The following TRPM1 variants were observed in gnomAD, a reference collection of about 807,000 sequenced individuals.
TRPM1 encodes the protein transient receptor potential cation channel subfamily M member 1.
A neutral mutation model predicts 149.4 loss-of-function variants in TRPM1; 113 were observed. That is an observed-to-expected ratio of 0.76 (90% CI 0.65 to 0.88). TRPM1 has a LOEUF of 0.88. Ranked by LOEUF, TRPM1 falls within the 40% of genes least tolerant of loss-of-function variation. The probability of loss-of-function intolerance (pLI) is 0.00; values close to 1 mark genes in which losing one functional copy is unlikely to be tolerated. For missense variants in TRPM1, 1,976 were observed against 2,038.7 expected (o/e 0.97, Z 0.59); for synonymous variants, 741 against 759.5 (o/e 0.98, Z 0.40).
Position 31,070,033 on chromosome 15 carries a change from T to C in TRPM1, c.277A>G (p.Met93Val), listed in dbSNP as rs748439703. ...FQGGGYSNKA[M>V]YIRVSYDTKP... ...CCATGTCTGAATGCCTTTCTCACCA[T>C]GGCTTTATTGGAATATCCGCCACCC... Residue 93 changes from methionine to valine, a missense_variant and splice_region_variant, in exon 4 of 28, where the codon ATG (methionine) becomes GTG (valine). By Grantham distance (21) the Met-to-Val change is conservative. Transcript: ENST00000256552. The C allele has an allele frequency of 1.9e-6, 3 of 1,614,248 alleles. No homozygotes were observed. Among genetic ancestry groups the C allele is most frequent in the Non-Finnish European group, 2.5e-6 (3 of 1,180,046 alleles).
At chr15:31,119,127 G>T (rs1428815669) in intron 1 of TRPM1, among the ~76,000 whole-genome samples, 1 of 152,016 alleles carries the variant, frequency 6.6e-6, no homozygotes, top group Non-Finnish European at 1.5e-5. Flanking sequence ...TGTAATCCCA[G>T]CTACTCGGGA....
At chr15:31,077,431 C>T (rs1404554323) in intron 2 of TRPM1, among the ~76,000 whole-genome samples, 1 of 118,700 alleles carries the variant, frequency 8.4e-6, no homozygotes, top group Non-Finnish European at 1.8e-5. Flanking sequence ...GGCTTTATCC[C>T]ACATGGCCTC....
At position 31,088,404 on chromosome 15, in the gene TRPM1, A is replaced by G. The variant is rs189905904; in HGVS notation, c.-83-6966T>C. On this transcript the variant is annotated intron_variant, in intron 1 of 27. Transcript: ENST00000256552. Reference sequence around the variant, plus strand: ...AATAAATGTTATTGCTGCAAGCAGAAAGTGTCTGGGTTGGCACCACCTTTA... The same window carrying G: ...AATAAATGTTATTGCTGCAAGCAGAGAGTGTCTGGGTTGGCACCACCTTTA... Among the ~76,000 whole-genome samples, 41 of 152,302 alleles carry G rather than the reference A, an allele frequency of 2.7e-4. 1 individual carries two copies. Among genetic ancestry groups the G allele is most frequent in the Admixed American group, 2.5e-3 (38 of 15,300 alleles).
At chr15:31,075,079 T>G (rs1297720156) in intron 3 of TRPM1, among the ~76,000 whole-genome samples, 1 of 152,234 alleles carries the variant, frequency 6.6e-6, no homozygotes, top group Non-Finnish European at 1.5e-5. Flanking sequence ...TTGAGGCTTT[T>G]TAATGGACTA....
chr15:31,109,333 C>CAAAAA (rs36072024), intron 1 of TRPM1, among the ~76,000 whole-genome samples: 5 of 32,300 alleles, frequency 1.5e-4, no homozygotes, highest in African/African-American at 1.9e-4. Flanking sequence ...GACTCTGCCT[C>CAAAAA]AAAAAAAAAA....
chr15:31,040,497 G>A lies in TRPM1; in HGVS notation c.2088-151C>T. On this transcript the variant is annotated intron_variant, in intron 17 of 27. Coordinates refer to ENST00000256552, the MANE Select transcript of TRPM1 (RefSeq NM_001252024.2). This position sits in a 1 kb window ranked among gnomAD's most constrained non-coding sequence, Gnocchi z 4.2. The stretch of plus-strand genomic sequence containing the variant: ...GTTCTCTGCAAGCAAGAAGCTCCAG[G>A]GATGTGTCCCCAAAGGGGGAAGGCC... The A allele has an allele frequency of 1.4e-6, 1 of 722,836 alleles. No homozygotes were observed. The highest frequency in any genetic ancestry group is 2.4e-6 in the Non-Finnish European group (1 of 419,502). The allele number at this position is 722,836 out of a possible 1,614,324, so 44.8% of individuals were successfully genotyped here.
intron 1 of TRPM1, among the ~76,000 whole-genome samples, chr15:31,145,537 G>A (rs924769372): frequency 4.6e-5 from 7 of 152,256 alleles, no homozygotes; most frequent in East Asian, 1.9e-4. Context: ...AGCAACATCC[G>A]TAACACAACT....
intron 13 of TRPM1, 46 bp downstream of exon 13, chr15:31,049,329 T>A (rs2033871190): frequency 6.2e-7 from 1 of 1,613,618 alleles, no homozygotes; most frequent in African/African-American, 1.3e-5. Flanking sequence ...ACAAACACAT[T>A]TAGGTGGCTG....
intron 1 of TRPM1, among the ~76,000 whole-genome samples, chr15:31,115,567 G>A (rs1596082112): frequency 6.6e-6 from 1 of 152,114 alleles, no homozygotes; most frequent in Admixed American, 6.5e-5. Context: ...AGCTTAGATG[G>A]TAAAGGTTCC....
intron 27 of TRPM1, among the ~76,000 whole-genome samples, chr15:31,022,632 T>C (rs2032587305): frequency 6.6e-6 from 1 of 152,256 alleles, no homozygotes; most frequent in South Asian, 2.1e-4. Flanking sequence ...TACTTCCTTA[T>C]AGTAAAACCA....
intron 1 of TRPM1, among the ~76,000 whole-genome samples, chr15:31,116,425 C>T (rs112440406): frequency 0.076 from 11,529 of 151,892 alleles, 1,500 homozygotes; most frequent in African/African-American, 0.27. Context: ...CTGGCCAACA[C>T]GGCGAAACCC....
chr15:31,083,416 C>T (rs1019383346), intron 1 of TRPM1, among the ~76,000 whole-genome samples: 9 of 152,144 alleles, frequency 5.9e-5, no homozygotes, highest in Non-Finnish European at 1.0e-4. Context: ...GATGTGGGAA[C>T]GCTGGCTGGT....
Position 31,063,312 on chromosome 15 carries a change from C to T in TRPM1, c.791-20G>A, listed in dbSNP as rs777577808. ...CCAGTCCTGCAACACAAACCACATT[C>T]GCCCATACCACCTGTGCCCTGCACT... On this transcript the variant is annotated intron_variant, in intron 7 of 27. Transcript: ENST00000256552. 9.9e-6 allele frequency: 16 copies of T among 1,613,974 alleles called. No individual in the cohort carries two copies. In the South Asian group the frequency reaches 1.3e-4, roughly 13 times the overall value.
exon 1 of TRPM1, chr15:31,160,980 GCCA>G: frequency 6.5e-7 from 1 of 1,535,448 alleles, no homozygotes; most frequent in East Asian, 2.4e-5. Context: ...GAGCCTGTGA[GCCA>G]CCCTGCTGAC....
intron 1 of TRPM1, among the ~76,000 whole-genome samples, chr15:31,091,636 A>G (rs563154115): frequency 6.6e-6 from 1 of 152,206 alleles, no homozygotes; most frequent in Non-Finnish European, 1.5e-5. Context: ...AAGGAGTGGC[A>G]CTTGGTGGTG....
intron 6 of TRPM1, 84 bp from the exon 7 acceptor site, chr15:31,066,331 G>A: frequency 6.8e-7 from 1 of 1,464,102 alleles, no homozygotes; most frequent in Non-Finnish European, 9.5e-7. Flanking sequence ...ACATATGTGT[G>A]GAGTGACTGC....
At chr15:31,088,104 C>A (rs1048163317) in intron 1 of TRPM1, among the ~76,000 whole-genome samples, 1 of 152,168 alleles carries the variant, frequency 6.6e-6, no homozygotes, top group African/African-American at 2.4e-5. Flanking sequence ...ACTTGGGGAA[C>A]TTTTCTGTCT....
At chr15:31,092,768 C>T (rs2035276166) in intron 1 of TRPM1, among the ~76,000 whole-genome samples, 1 of 152,102 alleles carries the variant, frequency 6.6e-6, no homozygotes, top group Non-Finnish European at 1.5e-5. Flanking sequence ...AGTACATTGC[C>T]GTATAGTCCC....
At chr15:31,084,603 G>T (rs557674594) in intron 1 of TRPM1, among the ~76,000 whole-genome samples, 4 of 151,288 alleles carry the variant, frequency 2.6e-5, no homozygotes, top group African/African-American at 9.7e-5. Context: ...AATTTGGGTT[G>T]TTTCCACTTT....
Sources: gnomAD v4.1 joint callset for allele counts (sites outside exome capture counted in the v4.1 genomes callset) on GRCh38, gnomAD v4.1.1 for gene constraint, Gnocchi (gnomAD v3.1) non-coding constraint, MANE v1.5 for transcripts, NCBI Gene and HGNC (gene_info 2026-07-23, HGNC 2026-07-21) for gene names.